The following MBD5 variants were observed in gnomAD, a reference collection of about 807,000 sequenced individuals.
MBD5 encodes the protein methyl-CpG binding domain protein 5, also known as methyl-CpG-binding domain protein 5.
In MBD5, 13 loss-of-function variants were observed where a neutral mutation model predicts 117.3. The ratio of observed to expected loss-of-function variants is 0.11; its 90% CI spans 0.07 to 0.18. The LOEUF (loss-of-function observed/expected upper bound fraction) is 0.18. Among genes scored for constraint, MBD5 ranks in the 10% least tolerant of loss-of-function variants. The pLI, the probability that MBD5 is intolerant of heterozygous loss-of-function variation, is 1.00. For synonymous variants in MBD5, 727 were observed against 766.4 expected, an observed-to-expected ratio of 0.95 and a Z score of 0.85; for missense variants, 1,879 against 2,093.8, an observed-to-expected ratio of 0.90 and a Z score of 2.00.
intron 4 of MBD5, among the ~76,000 whole-genome samples, chr2:148,450,688 T>G (rs544042455): frequency 6.6e-6 from 1 of 152,300 alleles, no homozygotes; most frequent in South Asian, 2.1e-4. Context: ...CAGTATCATA[T>G]GCATCAAATT....
chr2:148,407,561 T>C (rs2105146150), intron 4 of MBD5, among the ~76,000 whole-genome samples: 1 of 152,208 alleles, frequency 6.6e-6, no homozygotes, highest in South Asian at 2.1e-4. Context: ...ATCAGTCACT[T>C]AGTACTCTTA....
At chr2:148,069,659 G>A (rs971121181) in intron 1 of MBD5, among the ~76,000 whole-genome samples, 2 of 151,424 alleles carry the variant, frequency 1.3e-5, no homozygotes, top group African/African-American at 4.9e-5. Context: ...CCTTTTTAAT[G>A]TCTTAATTAA....
At chr2:148,381,550 G>C (rs954911333) in intron 4 of MBD5, among the ~76,000 whole-genome samples, 7 of 152,142 alleles carry the variant, frequency 4.6e-5, no homozygotes, top group African/African-American at 1.2e-4. Context: ...TATTATCCAG[G>C]AGAACTTCCC....
chr2:148,157,605 A>G (rs1421169490), intron 1 of MBD5, among the ~76,000 whole-genome samples: 1 of 152,210 alleles, frequency 6.6e-6, no homozygotes, highest in Non-Finnish European at 1.5e-5. Context: ...TCTCAGAATT[A>G]TCTCATCACT....
chr2:148,049,898 T>A (rs983265458), intron 1 of MBD5, among the ~76,000 whole-genome samples: 9 of 152,202 alleles, frequency 5.9e-5, no homozygotes, highest in African/African-American at 2.2e-4. Context: ...TCAATCTCCT[T>A]TATGGCTAAG....
intron 1 of MBD5, among the ~76,000 whole-genome samples, chr2:148,168,087 AT>A (rs939544378): frequency 1.3e-5 from 2 of 152,032 alleles, no homozygotes; most frequent in African/African-American, 4.8e-5. Flanking sequence ...TTGTGAAAGT[AT>A]TTTTTTCTTG....
At position 148,277,018 on chromosome 2, in the gene MBD5, G is replaced by A. The variant is rs147346293; in HGVS notation, c.-680+43623G>A. On this transcript the variant is annotated intron_variant, in intron 3 of 13. Transcript: ENST00000642680. ...GTGGTACTTTTGGCTCTGTGGCTTC[G>A]GAGAACAATTGTGTCTCCCTTTCTT... 1.3e-3 allele frequency among the ~76,000 whole-genome samples: 193 copies of A among 152,078 alleles called. 1 individual carries two copies. The highest frequency in any genetic ancestry group is 4.1e-3 in the African/African-American group (169 of 41,476).
chr2:148,487,046 A>T (rs1372318873), intron 10 of MBD5, among the ~76,000 whole-genome samples: 1 of 152,218 alleles, frequency 6.6e-6, no homozygotes, highest in Non-Finnish European at 1.5e-5. Context: ...CTCCATCAGT[A>T]GGGAAATAGT....
intron 1 of MBD5, chr2:148,053,913 T>TC (rs1166255546): frequency 1.3e-5 from 2 of 150,442 alleles, no homozygotes; most frequent in African/African-American, 4.9e-5. Context: ...TTTTTTTCTT[T>TC]TTTTTTTTTT....
At chr2:148,292,988 A>G (rs1215762835) in intron 3 of MBD5, among the ~76,000 whole-genome samples, 1 of 151,976 alleles carries the variant, frequency 6.6e-6, no homozygotes, top group Non-Finnish European at 1.5e-5. Context: ...AGACAAACAA[A>G]TGCATGCTCC....
At chr2:148,111,238 A>G (rs1696497526) in intron 1 of MBD5, among the ~76,000 whole-genome samples, 1 of 152,206 alleles carries the variant, frequency 6.6e-6, no homozygotes, top group Non-Finnish European at 1.5e-5. Context: ...TCACAGCACC[A>G]ATAAAGCACA....
At chr2:148,090,931 C>CT (rs1156413423) in intron 1 of MBD5, among the ~76,000 whole-genome samples, 1 of 152,072 alleles carries the variant, frequency 6.6e-6, no homozygotes, top group Non-Finnish European at 1.5e-5. Context: ...CTAGAAAACT[C>CT]TAAAGATTTT....
chr2:148,321,373 A>G (rs953016738), intron 3 of MBD5, among the ~76,000 whole-genome samples: 1 of 152,204 alleles, frequency 6.6e-6, no homozygotes, highest in African/African-American at 2.4e-5. Context: ...GTTGGGCTGC[A>G]TTCAAAGCCA....
At chr2:148,262,843 T>A (rs1386838765) in intron 3 of MBD5, among the ~76,000 whole-genome samples, 2 of 152,172 alleles carry the variant, frequency 1.3e-5, no homozygotes, top group Non-Finnish European at 2.9e-5. Context: ...ATAGATTGTT[T>A]TGACTGTAGT....
rs556718150 is a variant in MBD5 at position 148,502,946 on chromosome 2, A to AT, written c.5036+445dup. On this transcript the variant is annotated intron_variant, in intron 12 of 13. Coordinates refer to ENST00000642680, the MANE Select transcript of MBD5 (RefSeq NM_001378120.1). ...CTAGTCAAAGTGATGCTAAATAAAG[A>AT]TTTTTTTTGTTGCATCAGGGATGTG... 2.1e-3 allele frequency: 405 copies of AT among 192,014 alleles called. 6 individuals are homozygous for AT. The highest frequency in any genetic ancestry group is 0.021 in the South Asian group (211 of 10,150). The allele number at this position is 192,014 out of a possible 1,614,324, so 11.9% of individuals were successfully genotyped here. A position where few individuals can be genotyped will look rare whatever the true frequency, so the allele number is the denominator to read the frequency against.
At chr2:148,385,619 C>T (rs1393471231) in intron 4 of MBD5, among the ~76,000 whole-genome samples, 3 of 151,980 alleles carry the variant, frequency 2.0e-5, no homozygotes, top group Non-Finnish European at 4.4e-5. Flanking sequence ...GGTATATACC[C>T]AGAGGATTAT....
intron 3 of MBD5, among the ~76,000 whole-genome samples, chr2:148,332,184 A>T (rs1189817392): frequency 1.3e-5 from 2 of 152,080 alleles, no homozygotes; most frequent in African/African-American, 4.8e-5. Context: ...TCTCTTTATT[A>T]TCTCCTACCC....
At chr2:148,264,236 G>A (rs1006990071) in intron 3 of MBD5, 1 of 152,162 alleles carries the variant, frequency 6.6e-6, no homozygotes, top group Non-Finnish European at 1.5e-5. Context: ...GGAGGCCTGT[G>A]TGCTACAATC....
At chr2:148,351,746 C>A (rs529869402) in intron 4 of MBD5, among the ~76,000 whole-genome samples, 3 of 152,058 alleles carry the variant, frequency 2.0e-5, no homozygotes, top group Non-Finnish European at 4.4e-5. Flanking sequence ...CCCACACTTG[C>A]TGCCAATATG....
Sources: gnomAD v4.1 joint callset for allele counts (sites outside exome capture counted in the v4.1 genomes callset) on GRCh38, gnomAD v4.1.1 for gene constraint, MANE v1.5 for transcripts, NCBI Gene and HGNC (gene_info 2026-07-23, HGNC 2026-07-21) for gene names.